Variants in GRM7 observed in about 807,000 individuals in gnomAD.
GRM7 encodes the protein glutamate metabotropic receptor 7.
Under a neutral mutation model 84.5 loss-of-function variants are expected in GRM7, and 35 were observed. That is an observed-to-expected ratio of 0.41 (90% CI 0.32 to 0.55). The LOEUF (loss-of-function observed/expected upper bound fraction) is 0.55. Among genes scored for constraint, GRM7 ranks in the 20% least tolerant of loss-of-function variants. The pLI is 0.19. For missense variants in GRM7, 1,003 were observed against 1,194.6 expected (o/e 0.84, Z 2.36); for synonymous variants, 487 against 455.1 (o/e 1.07, Z -0.89).
chr3:7,194,906 A>G (rs1695830344), intron 2 of GRM7, among the ~76,000 whole-genome samples: 1 of 152,274 alleles, frequency 6.6e-6, no homozygotes, highest in Admixed American at 6.5e-5. Flanking sequence ...CAGGGATTCT[A>G]TGATAGTCTA....
At chr3:7,247,383 G>T (rs1394863669) in intron 2 of GRM7, among the ~76,000 whole-genome samples, 1 of 151,806 alleles carries the variant, frequency 6.6e-6, no homozygotes, top group African/African-American at 2.4e-5. Flanking sequence ...ACCAGCTTGG[G>T]CAAAATGTGA....
In GRM7 at chr3:6,863,689, A is replaced by G. The variant is rs973253007; in HGVS notation, c.519+1782A>G. 2.0e-5 allele frequency among the ~76,000 whole-genome samples: 3 copies of G among 152,192 alleles called. No individual in the cohort carries two copies. The highest frequency in any genetic ancestry group is 7.2e-5 in the African/African-American group (3 of 41,476). On this transcript the variant is annotated intron_variant, in intron 1 of 9. Coordinates refer to ENST00000357716, the MANE Select transcript of GRM7 (RefSeq NM_000844.4). This position sits in a 1 kb window ranked among gnomAD's most constrained non-coding sequence, Gnocchi z 4.8. ...GCTAGACAAGTTGAGGTAGCAGTGC[A>G]GCGGGAGAGGATGAGGTCAGAGACA...
chr3:6,884,718 G>A (rs7624171), intron 1 of GRM7, among the ~76,000 whole-genome samples: 50 of 152,000 alleles, frequency 3.3e-4, no homozygotes, highest in African/African-American at 1.2e-3. Context: ...TCCTGCCTCA[G>A]CCTCCTAAGT....
intron 2 of GRM7, among the ~76,000 whole-genome samples, chr3:7,266,762 T>A (rs1698657125): frequency 6.6e-6 from 1 of 152,236 alleles, no homozygotes; most frequent in Non-Finnish European, 1.5e-5. Flanking sequence ...AGTTGCTGAA[T>A]GTACTTGAAC....
intron 1 of GRM7, among the ~76,000 whole-genome samples, chr3:7,098,958 G>C (rs553122566): frequency 1.3e-5 from 2 of 151,852 alleles, no homozygotes; most frequent in Non-Finnish European, 1.5e-5. Flanking sequence ...TCTGATGCCT[G>C]TGGGTTTTTC....
intron 8 of GRM7, among the ~76,000 whole-genome samples, chr3:7,654,896 C>G (rs141653787): frequency 1.9e-3 from 286 of 152,334 alleles, no homozygotes; most frequent in African/African-American, 6.2e-3. Flanking sequence ...CTGATCAGCT[C>G]TACTACCTAA....
intron 8 of GRM7, among the ~76,000 whole-genome samples, chr3:7,582,165 A>G (rs1169147412): frequency 6.6e-6 from 1 of 152,204 alleles, no homozygotes; most frequent in Non-Finnish European, 1.5e-5. Flanking sequence ...TTCTGGCACT[A>G]TCTGTTGAAG....
intron 8 of GRM7, among the ~76,000 whole-genome samples, chr3:7,631,358 T>C (rs1413442652): frequency 3.1e-5 from 4 of 128,830 alleles, no homozygotes; most frequent in Non-Finnish European, 6.6e-5. Flanking sequence ...CACAGAAGGA[T>C]GTTTATTTCA....
rs3804823 is a variant in GRM7 at position 7,701,166 on chromosome 3, C to A, written c.2698+20871C>A. 4.6e-3 allele frequency among the ~76,000 whole-genome samples: 701 copies of A among 152,244 alleles called. 16 individuals carry two copies. The East Asian group carries it at 0.092, about 20-fold the overall frequency. Reference sequence around the variant, plus strand: ...GCATGAGTGAGAAGCTCTGGCATAACGATACAGGGGACCTTGTTGGCAGGC... The same window carrying A: ...GCATGAGTGAGAAGCTCTGGCATAAAGATACAGGGGACCTTGTTGGCAGGC... On this transcript the variant is annotated intron_variant, in intron 9 of 9. Coordinates refer to ENST00000357716, the MANE Select transcript of GRM7 (RefSeq NM_000844.4).
intron 9 of GRM7, among the ~76,000 whole-genome samples, chr3:7,740,082 A>G (rs1702638990): frequency 6.6e-6 from 1 of 152,198 alleles, no homozygotes; most frequent in Non-Finnish European, 1.5e-5. Context: ...ATTAGAAAGC[A>G]TAACAACCAC....
intron 9 of GRM7, among the ~76,000 whole-genome samples, chr3:7,730,249 G>A (rs370892090): frequency 1.2e-4 from 18 of 151,994 alleles, no homozygotes; most frequent in Admixed American, 1.0e-3. Context: ...CTTGTGATCC[G>A]CCCACCTTGG....
chr3:7,045,908 G>A (rs891580797), intron 1 of GRM7, among the ~76,000 whole-genome samples: 6 of 152,020 alleles, frequency 3.9e-5, no homozygotes, highest in Non-Finnish European at 8.8e-5. Flanking sequence ...AAGTGGATTT[G>A]CTGGATCACA....
chr3:7,103,127 C>T (rs1029252537), intron 1 of GRM7, among the ~76,000 whole-genome samples: 9 of 151,814 alleles, frequency 5.9e-5, no homozygotes, highest in Non-Finnish European at 1.3e-4. Context: ...ATGTTAAAAA[C>T]TAAGAGTAAT....
At chr3:7,130,604 C>G (rs377243591) in intron 1 of GRM7, among the ~76,000 whole-genome samples, 6 of 151,332 alleles carry the variant, frequency 4.0e-5, no homozygotes, top group African/African-American at 7.3e-5. Context: ...ATTAGTAGCT[C>G]TATCTCAAAA....
chr3:7,369,219 AC>A (rs1323361031), intron 4 of GRM7, among the ~76,000 whole-genome samples: 3 of 152,036 alleles, frequency 2.0e-5, no homozygotes, highest in Admixed American at 1.3e-4. Flanking sequence ...TACACAAACA[AC>A]TTTTTAAATT....
intron 1 of GRM7, among the ~76,000 whole-genome samples, chr3:7,134,030 C>G (rs1693690052): frequency 6.6e-6 from 1 of 152,146 alleles, no homozygotes; most frequent in Non-Finnish European, 1.5e-5. Flanking sequence ...CAACCCCTCC[C>G]ATACTTATAA....
intron 1 of GRM7, among the ~76,000 whole-genome samples, chr3:7,017,644 G>A (rs1024357777): frequency 6.6e-6 from 1 of 152,074 alleles, no homozygotes; most frequent in Admixed American, 6.6e-5. Flanking sequence ...ATTATCACCT[G>A]GGAAGGTCCT....
At chr3:7,238,191 T>A (rs891616816) in intron 2 of GRM7, among the ~76,000 whole-genome samples, 1 of 152,198 alleles carries the variant, frequency 6.6e-6, no homozygotes, top group Admixed American at 6.5e-5. Flanking sequence ...ATCCAATCTC[T>A]TCGGTTGTCC....
At chr3:7,357,411 C>T (rs1197366609) in intron 4 of GRM7, among the ~76,000 whole-genome samples, 3 of 152,112 alleles carry the variant, frequency 2.0e-5, no homozygotes, top group Middle Eastern at 6.8e-3. Flanking sequence ...CCCAGCAACC[C>T]AGCACCATAG....
Sources: gnomAD v4.1 joint callset for allele counts (sites outside exome capture counted in the v4.1 genomes callset) on GRCh38, gnomAD v4.1.1 for gene constraint, Gnocchi (gnomAD v3.1) non-coding constraint, MANE v1.5 for transcripts, NCBI Gene and HGNC (gene_info 2026-07-23, HGNC 2026-07-21) for gene names.